The following GALNTL6 variants were observed in gnomAD, a reference collection of about 807,000 sequenced individuals.
The protein encoded by GALNTL6 is polypeptide N-acetylgalactosaminyltransferase like 6.
A neutral mutation model predicts 73.7 loss-of-function variants in GALNTL6; 46 were observed. That is an observed-to-expected ratio of 0.62 (90% CI 0.49 to 0.80). The LOEUF is 0.80. Ranked by LOEUF, GALNTL6 falls within the 30% of genes least tolerant of loss-of-function variation. The probability of loss-of-function intolerance (pLI) is 0.00; values close to 1 mark genes in which losing one functional copy is unlikely to be tolerated. For synonymous variants in GALNTL6, 259 were observed against 263.7 expected, an observed-to-expected ratio of 0.98 and a Z score of 0.17; for missense variants, 604 against 755.0, an observed-to-expected ratio of 0.80 and a Z score of 2.34.
At chr4:172,956,432 T>C (rs899982076) in intron 10 of GALNTL6, among the ~76,000 whole-genome samples, 1 of 152,172 alleles carries the variant, frequency 6.6e-6, no homozygotes, top group Non-Finnish European at 1.5e-5. Flanking sequence ...CCTAAGGAGA[T>C]TCAGCATAGC....
At chr4:172,469,099 T>A (rs1307609199) in intron 5 of GALNTL6, among the ~76,000 whole-genome samples, 1 of 152,034 alleles carries the variant, frequency 6.6e-6, no homozygotes, top group East Asian at 1.9e-4. Flanking sequence ...CACCTGGAGA[T>A]GAGTTGAGCC....
At chr4:171,824,082 TA>T (rs1214899965) in intron 2 of GALNTL6, among the ~76,000 whole-genome samples, 257 of 19,394 alleles carry the variant, frequency 0.013, 3 homozygotes, top group Non-Finnish European at 0.071. Flanking sequence ...CCATTTTATA[TA>T]TATATATATA....
chr4:172,147,339 C>T (rs1733953441), intron 2 of GALNTL6, among the ~76,000 whole-genome samples: 1 of 152,164 alleles, frequency 6.6e-6, no homozygotes, highest in Non-Finnish European at 1.5e-5. Context: ...CTCATTATCG[C>T]TTAAGGTACA....
At chr4:172,423,374 T>C (rs984418761) in intron 5 of GALNTL6, among the ~76,000 whole-genome samples, 3 of 152,064 alleles carry the variant, frequency 2.0e-5, no homozygotes, top group Non-Finnish European at 4.4e-5. Context: ...TGCCCCCTTT[T>C]TTTAATTAAC....
At chr4:172,241,669 G>C (rs141865031) in intron 3 of GALNTL6, among the ~76,000 whole-genome samples, 1 of 152,120 alleles carries the variant, frequency 6.6e-6, no homozygotes, top group Non-Finnish European at 1.5e-5. Context: ...CAAATGTTAA[G>C]GCATTAAGGC....
At chr4:173,019,514 G>A (rs535003792) in intron 11 of GALNTL6, among the ~76,000 whole-genome samples, 5 of 152,292 alleles carry the variant, frequency 3.3e-5, no homozygotes, top group Non-Finnish European at 5.9e-5. Flanking sequence ...GAATAGAAGA[G>A]AGTGATCAAA....
intron 10 of GALNTL6, among the ~76,000 whole-genome samples, chr4:172,999,060 T>C (rs1308766754): frequency 1.3e-5 from 2 of 150,004 alleles, no homozygotes; most frequent in African/African-American, 4.9e-5. Context: ...AAGCAGCAAC[T>C]CCAAAAAACA....
chr4:172,490,630 C>A (rs1173630722), intron 5 of GALNTL6, among the ~76,000 whole-genome samples: 1 of 152,204 alleles, frequency 6.6e-6, no homozygotes, highest in South Asian at 2.1e-4. Flanking sequence ...ATAATAATAT[C>A]TTCAACAATA....
intron 5 of GALNTL6, chr4:172,545,699 C>T (rs1157913304): frequency 6.6e-6 from 1 of 152,164 alleles, no homozygotes; most frequent in Non-Finnish European, 1.5e-5. Flanking sequence ...GGTGCCAGCA[C>T]GTTGTAGGCC....
chr4:171,978,200 G>A (rs1487949612), intron 2 of GALNTL6, among the ~76,000 whole-genome samples: 4 of 152,040 alleles, frequency 2.6e-5, no homozygotes, highest in Admixed American at 6.6e-5. Context: ...TTTAAAAATT[G>A]TGACATATTT....
At chr4:172,520,265 C>T (rs1192671633) in intron 5 of GALNTL6, among the ~76,000 whole-genome samples, 1 of 151,862 alleles carries the variant, frequency 6.6e-6, no homozygotes, top group Non-Finnish European at 1.5e-5. Context: ...CATTATAGGG[C>T]TCTGCTGCAT....
At chr4:172,410,086 C>A (rs1434110818) in intron 5 of GALNTL6, among the ~76,000 whole-genome samples, 1 of 151,910 alleles carries the variant, frequency 6.6e-6, no homozygotes, top group Non-Finnish European at 1.5e-5. Flanking sequence ...AAACAAGATA[C>A]CACAATCACT....
At chr4:172,142,932 C>T (rs1294998270) in intron 2 of GALNTL6, among the ~76,000 whole-genome samples, 1 of 151,812 alleles carries the variant, frequency 6.6e-6, no homozygotes, top group Non-Finnish European at 1.5e-5. Flanking sequence ...TTAGAGACAA[C>T]TGTTTTTATA....
intron 10 of GALNTL6, among the ~76,000 whole-genome samples, chr4:172,992,553 T>C (rs775546796): frequency 3.3e-5 from 5 of 152,202 alleles, no homozygotes; most frequent in Non-Finnish European, 5.9e-5. Flanking sequence ...AGAGCTCTTT[T>C]ATTTATTTTA....
intron 4 of GALNTL6, among the ~76,000 whole-genome samples, chr4:172,319,895 A>G (rs1740695198): frequency 6.6e-6 from 1 of 152,142 alleles, no homozygotes; most frequent in Admixed American, 6.5e-5. Flanking sequence ...AAAATTTGGT[A>G]AGAAAGGAAT....
intron 5 of GALNTL6, among the ~76,000 whole-genome samples, chr4:172,477,725 T>C (rs1165310816): frequency 6.6e-6 from 1 of 152,182 alleles, no homozygotes; most frequent in African/African-American, 2.4e-5. Context: ...TTACATTTAT[T>C]TTATTAATTT....
chr4:172,198,104 C>G (rs780290160), intron 2 of GALNTL6, among the ~76,000 whole-genome samples: 1 of 151,958 alleles, frequency 6.6e-6, no homozygotes, highest in Non-Finnish European at 1.5e-5. Context: ...GAGTGAGACT[C>G]TGTCAAAAAA....
intron 7 of GALNTL6, among the ~76,000 whole-genome samples, chr4:172,834,835 T>C (rs1442187570): frequency 6.6e-6 from 1 of 152,232 alleles, no homozygotes; most frequent in Non-Finnish European, 1.5e-5. Flanking sequence ...ATGAGGAGAA[T>C]GACAAAACAA....
intron 8 of GALNTL6, among the ~76,000 whole-genome samples, chr4:172,909,489 C>T (rs1447121143): frequency 6.6e-6 from 1 of 151,804 alleles, no homozygotes; most frequent in Non-Finnish European, 1.5e-5. Context: ...CAAAATATTG[C>T]AACAGTTCAC....
Sources: allele counts gnomAD v4.1 joint callset (sites outside exome capture counted in the v4.1 genomes callset), GRCh38; gene constraint gnomAD v4.1.1; transcripts MANE v1.5; gene names NCBI Gene and HGNC (gene_info 2026-07-23, HGNC 2026-07-21).